COL23A1: variants seen among roughly 807,000 people sequenced by gnomAD.
The protein encoded by COL23A1 is collagen type XXIII alpha 1 chain.
Under a neutral mutation model 99.3 loss-of-function variants are expected in COL23A1, and 97 were observed. The observed-to-expected ratio is 0.98, with a 90% CI of 0.83 to 1.16. The LOEUF (loss-of-function observed/expected upper bound fraction) is 1.16. Ranked by LOEUF, COL23A1 falls within the 50% of genes most tolerant of loss-of-function variation. The pLI is 0.00. For synonymous variants in COL23A1, 320 were observed against 308.2 expected, an observed-to-expected ratio of 1.04 and a Z score of -0.40; for missense variants, 762 against 757.4, an observed-to-expected ratio of 1.01 and a Z score of -0.07.
chr5:178,513,032 G>A (rs898030696), intron 2 of COL23A1, among the ~76,000 whole-genome samples: 1 of 152,204 alleles, frequency 6.6e-6, no homozygotes, highest in Non-Finnish European at 1.5e-5. Flanking sequence ...TTGAGAAAGA[G>A]AAGGCCATAT....
In COL23A1 at chr5:178,256,398, C is replaced by T; in HGVS notation, c.838-1G>A. ...CCGTGCCTCGGTGGCCAGGCTCCCC[C>T]TGTGGAGACATGCATTTGCAGCCAG... is the stretch of plus-strand genomic sequence containing the variant. On this transcript the variant is annotated splice_acceptor_variant, in intron 14 of 28. Transcript: ENST00000390654. LOFTEE classifies it high-confidence loss of function. The T allele has an allele frequency of 6.2e-7, 1 of 1,606,724 alleles. No homozygotes were observed. Among genetic ancestry groups the T allele is most frequent in the Non-Finnish European group, 8.5e-7 (1 of 1,176,046 alleles).
intron 2 of COL23A1, among the ~76,000 whole-genome samples, chr5:178,552,620 C>T: frequency 6.6e-6 from 1 of 151,618 alleles, no homozygotes; most frequent in Non-Finnish European, 1.5e-5. Context: ...CCTGTAATCC[C>T]AGCACTTTGG....
At chr5:178,409,667 T>G (rs1764963850) in intron 2 of COL23A1, among the ~76,000 whole-genome samples, 1 of 152,160 alleles carries the variant, frequency 6.6e-6, no homozygotes, top group African/African-American at 2.4e-5. Flanking sequence ...AAATGAAAGG[T>G]AAAATTTTAA....
intron 2 of COL23A1, among the ~76,000 whole-genome samples, chr5:178,512,267 G>C (rs1341070722): frequency 2.0e-5 from 3 of 152,210 alleles, no homozygotes; most frequent in African/African-American, 7.2e-5. Flanking sequence ...CATAAAATAT[G>C]GTCATGGAAC....
chr5:178,552,776 C>T (rs1249077989), intron 2 of COL23A1, among the ~76,000 whole-genome samples: 3 of 150,234 alleles, frequency 2.0e-5, no homozygotes, highest in Non-Finnish European at 3.0e-5. Context: ...TGCAGTGGTG[C>T]GATCTTGGCT....
intron 2 of COL23A1, among the ~76,000 whole-genome samples, chr5:178,354,376 T>G (rs1290629760): frequency 6.6e-6 from 1 of 151,820 alleles, no homozygotes; most frequent in Non-Finnish European, 1.5e-5. Flanking sequence ...GCCCTGCTAA[T>G]TTTTTTTACT....
intron 2 of COL23A1, among the ~76,000 whole-genome samples, chr5:178,520,605 AG>A (rs1488516386): frequency 6.6e-6 from 1 of 152,238 alleles, no homozygotes; most frequent in Non-Finnish European, 1.5e-5. Flanking sequence ...ACATGTGTTC[AG>A]AAGTGAGGTG....
chr5:178,357,908 G>GTA (rs1761794323), intron 2 of COL23A1, among the ~76,000 whole-genome samples: 1 of 103,630 alleles, frequency 9.6e-6, no homozygotes, highest in Non-Finnish European at 2.0e-5. Context: ...TGTGTCTAAT[G>GTA]TGTGTGTATG....
intron 2 of COL23A1, among the ~76,000 whole-genome samples, chr5:178,334,163 C>A (rs1198860484): frequency 6.6e-6 from 1 of 152,206 alleles, no homozygotes; most frequent in Non-Finnish European, 1.5e-5. Context: ...CTCCTGCTCT[C>A]TGGAGTGCGG....
rs1765243448 is a variant in COL23A1 at position 178,415,248 on chromosome 5, G to A, written c.362-108329C>T. On this transcript the variant is annotated intron_variant, in intron 2 of 28. Coordinates refer to ENST00000390654, the MANE Select transcript of COL23A1 (RefSeq NM_173465.4). The surrounding 1 kb of genome is among the most constrained non-coding windows in gnomAD (Gnocchi z 4.6). The stretch of plus-strand genomic sequence containing the variant: ...TTTTCTCCAGTGGGGTCCACATGGT[G>A]CCAGTTACAGTGCTCAGTGGGGACG... 6.6e-6 allele frequency among the ~76,000 whole-genome samples: 1 copy of A among 152,194 alleles called. No homozygotes were observed. The highest frequency in any genetic ancestry group is 2.4e-5 in the African/African-American group (1 of 41,446).
At chr5:178,445,394 C>T (rs1038606644) in intron 2 of COL23A1, among the ~76,000 whole-genome samples, 1 of 151,998 alleles carries the variant, frequency 6.6e-6, no homozygotes, top group Non-Finnish European at 1.5e-5. Context: ...TATCAGATGC[C>T]CTAAGTGTCT....
chr5:178,562,570 A>G (rs1295251300), intron 1 of COL23A1: 1 of 137,046 alleles, frequency 7.3e-6, no homozygotes, highest in South Asian at 2.6e-4. Context: ...AAAAGAAAAA[A>G]AAAAAAAAAA....
rs150023177 is a variant in COL23A1, at chr5:178,334,449, C to G, written c.362-27530G>C. On this transcript the variant is annotated intron_variant, in intron 2 of 28. Coordinates refer to ENST00000390654, the MANE Select transcript of COL23A1 (RefSeq NM_173465.4). Reference sequence around the variant, plus strand: ...ACCGGCCGGCACAGGCCACCCTCTTCGTGCCTCTGGTTCCTCAAATGAAAT... The same window carrying G: ...ACCGGCCGGCACAGGCCACCCTCTTGGTGCCTCTGGTTCCTCAAATGAAAT... 1.3e-3 allele frequency among the ~76,000 whole-genome samples: 193 copies of G among 152,372 alleles called. 2 individuals carry two copies. The highest frequency in any genetic ancestry group is 4.5e-3 in the African/African-American group (188 of 41,588).
At chr5:178,351,457 G>A in intron 2 of COL23A1, among the ~76,000 whole-genome samples, 2 of 152,332 alleles carry the variant, frequency 1.3e-5, no homozygotes, top group East Asian at 1.9e-4. Context: ...GGAACTGGGA[G>A]CTCAGTGAAA....
At chr5:178,515,411 G>T (rs1240420471) in intron 2 of COL23A1, among the ~76,000 whole-genome samples, 5 of 152,218 alleles carry the variant, frequency 3.3e-5, no homozygotes, top group South Asian at 2.1e-4. Context: ...CACTGCAGAG[G>T]TTTCCACGGG....
At chr5:178,266,028 C>T (rs920107312) in intron 8 of COL23A1, among the ~76,000 whole-genome samples, 2 of 152,136 alleles carry the variant, frequency 1.3e-5, no homozygotes, top group Non-Finnish European at 2.9e-5. Flanking sequence ...CAATTGGAGT[C>T]TTAAGCCACT....
At chr5:178,273,187 G>A (rs1268743168) in intron 5 of COL23A1, among the ~76,000 whole-genome samples, 1 of 152,210 alleles carries the variant, frequency 6.6e-6, no homozygotes, top group Non-Finnish European at 1.5e-5. Context: ...CTTTCTAGAA[G>A]TGCCCGTGGA....
At chr5:178,239,786 G>A (rs1764294985) in intron 27 of COL23A1, among the ~76,000 whole-genome samples, 1 of 110,566 alleles carries the variant, frequency 9.0e-6, no homozygotes, top group Non-Finnish European at 1.7e-5. Flanking sequence ...GGGTCCTGCC[G>A]AGAGCCGTGT....
chr5:178,571,540 A>G (rs2113654760), intron 1 of COL23A1, among the ~76,000 whole-genome samples: 1 of 152,318 alleles, frequency 6.6e-6, no homozygotes, highest in South Asian at 2.1e-4. Flanking sequence ...CCAGGAATAT[A>G]TATACAAATG....
Sources: allele counts gnomAD v4.1 joint callset (sites outside exome capture counted in the v4.1 genomes callset), GRCh38; gene constraint gnomAD v4.1.1; non-coding constraint Gnocchi (gnomAD v3.1); transcripts MANE v1.5; gene names NCBI Gene and HGNC (gene_info 2026-07-23, HGNC 2026-07-21).